The following ARPC2 variants were observed in gnomAD, a reference collection of about 807,000 sequenced individuals.
The protein encoded by ARPC2 is actin related protein 2/3 complex subunit 2.
In ARPC2, 4 loss-of-function variants were observed where a neutral mutation model predicts 38.6. That is an observed-to-expected ratio of 0.10 (90% confidence interval 0.05 to 0.24). The LOEUF is 0.24. Among genes scored for constraint, ARPC2 ranks in the 10% least tolerant of loss-of-function variants. The pLI is 1.00. For synonymous variants in ARPC2, 125 were observed against 140.8 expected (o/e 0.89, Z 0.79); for missense variants, 229 against 387.3 (o/e 0.59, Z 3.43).
chr2:218,221,842 A>G (rs574223217), intron 2 of ARPC2, among the ~76,000 whole-genome samples: 2 of 152,322 alleles, frequency 1.3e-5, no homozygotes, highest in East Asian at 3.9e-4. Flanking sequence ...GCTTTGCTCA[A>G]AAAGAATGAT....
intron 4 of ARPC2, among the ~76,000 whole-genome samples, chr2:218,232,633 G>A (rs761810609): frequency 1.4e-4 from 20 of 147,910 alleles, no homozygotes; most frequent in Middle Eastern, 3.4e-3. Context: ...GCAGTGGCGC[G>A]ATCTCACCTC....
At chr2:218,232,134 G>A (rs1689647908) in intron 4 of ARPC2, among the ~76,000 whole-genome samples, 2 of 152,116 alleles carry the variant, frequency 1.3e-5, no homozygotes, top group South Asian at 2.1e-4. Context: ...CCAGCTACTA[G>A]GGAGGCTGAG....
At position 218,231,346 on chromosome 2, in the gene ARPC2, T is replaced by C. The variant is rs373704481; in HGVS notation, c.222+2496T>C. ...GGGAGCAAAGCAGTTGAACATGATA[T>C]AAATTTGGCTCTCAGTACCTCTTAG... On this transcript the variant is annotated intron_variant, in intron 4 of 10. Coordinates refer to ENST00000315717, the MANE Select transcript of ARPC2 (RefSeq NM_152862.3). Among the ~76,000 whole-genome samples, 8 of 152,208 alleles carry C rather than the reference T, an allele frequency of 5.3e-5. No individual in the cohort carries two copies. The East Asian group carries it at 7.7e-4, about 15-fold the overall frequency.
At chr2:218,218,558 T>C (rs1689313302) in intron 2 of ARPC2, among the ~76,000 whole-genome samples, 1 of 152,266 alleles carries the variant, frequency 6.6e-6, no homozygotes, top group Admixed American at 6.5e-5. Flanking sequence ...TCCCTTTGCC[T>C]CATTTCCCTA....
At chr2:218,217,702 C>T (rs960130055) in intron 2 of ARPC2, among the ~76,000 whole-genome samples, 158 bp downstream of exon 2, 1 of 152,126 alleles carries the variant, frequency 6.6e-6, no homozygotes, top group East Asian at 1.9e-4. Flanking sequence ...GGCGATTGGG[C>T]GCGGCCGGGC....
intron 8 of ARPC2, 102 bp from the exon 9 acceptor site, chr2:218,249,262 A>T: frequency 1.3e-6 from 1 of 763,788 alleles, no homozygotes; most frequent in Non-Finnish European, 2.2e-6. Context: ...AGTGGAGTGT[A>T]CTTAAGCAGA....
intron 3 of ARPC2, among the ~76,000 whole-genome samples, chr2:218,228,143 G>T (rs188190829): frequency 2.4e-4 from 37 of 152,072 alleles, no homozygotes; most frequent in African/African-American, 8.7e-4. Flanking sequence ...GGTGGTTCAC[G>T]CCTGTAATCC....
chr2:218,234,669 A>G (rs1435127031), intron 5 of ARPC2: 3 of 508,368 alleles, frequency 5.9e-6, no homozygotes, highest in African/African-American at 5.8e-5. Context: ...TTTCAGCCAG[A>G]GGGCCACATT....
intron 8 of ARPC2, among the ~76,000 whole-genome samples, chr2:218,248,200 T>TA (rs1294985931): frequency 1.3e-5 from 2 of 152,244 alleles, no homozygotes; most frequent in Admixed American, 6.5e-5. Flanking sequence ...ATGGCAGACT[T>TA]ACAGTCATAA....
intron 3 of ARPC2, 98 bp downstream of exon 3, chr2:218,226,052 T>A: frequency 7.8e-7 from 1 of 1,277,984 alleles, no homozygotes; most frequent in South Asian, 1.2e-5. Flanking sequence ...CCCAGCACTT[T>A]GGGAGTCCGA....
intron 7 of ARPC2, 107 bp downstream of exon 7, chr2:218,239,591 G>T (rs2106154322): frequency 3.3e-5 from 26 of 792,758 alleles, no homozygotes; most frequent in Non-Finnish European, 4.5e-5. Flanking sequence ...ACTGATGTTA[G>T]AATTTTTTTT....
At chr2:218,249,328 G>A (rs372663389) in intron 8 of ARPC2, 36 bp from the exon 9 acceptor site, 106 of 1,486,240 alleles carry the variant, frequency 7.1e-5, no homozygotes, top group Admixed American at 1.9e-4. Context: ...CATTTGTGTC[G>A]TGTCCTGACG....
chr2:218,220,795 CAG>C (rs1689365716), intron 2 of ARPC2, among the ~76,000 whole-genome samples: 1 of 152,064 alleles, frequency 6.6e-6, no homozygotes, highest in East Asian at 1.9e-4. Flanking sequence ...TCATTCCAAA[CAG>C]ATTGCTTTTT....
At position 218,245,501 on chromosome 2, in the gene ARPC2, G is replaced by C. The variant is rs1690010494; in HGVS notation, c.631G>C (p.Asp211His). The change falls in exon 8 of 11, where the codon GAC becomes CAC. Residue 211 changes from aspartate to histidine, a missense_variant. Around this residue, in one of 3 missense-constraint regions of ARPC2, gnomAD observed 92 missense variants for 152.3 expected, o/e 0.60. Coordinates refer to ENST00000315717, the MANE Select transcript of ARPC2 (RefSeq NM_152862.3). The stretch of plus-strand genomic sequence containing the variant: ...CAGGGAACCTCCTCTGGAGCTGAAA[G>C]ACACAGACGCCGCTGTGGGTGACAA... ...SHREPPLELK[D>H]TDAAVGDNIG... The C allele has an allele frequency of 3.7e-6, 6 of 1,614,208 alleles. No homozygotes were observed. In the East Asian group the frequency reaches 1.3e-4, roughly 36 times the overall value.
intron 4 of ARPC2, chr2:218,232,975 C>T (rs1169456588): frequency 1.3e-5 from 2 of 152,132 alleles, no homozygotes; most frequent in Non-Finnish European, 2.9e-5. Context: ...ATGGCCTAAT[C>T]ACCTATTACC....
chr2:218,253,403 A>T (rs1365187459), intron 10 of ARPC2, among the ~76,000 whole-genome samples: 1 of 152,232 alleles, frequency 6.6e-6, no homozygotes, highest in Admixed American at 6.5e-5. Context: ...ACGTGATAGC[A>T]GAAATACCTT....
chr2:218,218,311 T>C (rs1247600568), intron 2 of ARPC2, among the ~76,000 whole-genome samples: 1 of 152,246 alleles, frequency 6.6e-6, no homozygotes, highest in Admixed American at 6.5e-5. Context: ...GTGGTAGCCC[T>C]GGCCCAGTTA....
intron 8 of ARPC2, among the ~76,000 whole-genome samples, chr2:218,248,466 C>T (rs1690099624): frequency 6.6e-6 from 1 of 152,094 alleles, no homozygotes; most frequent in Admixed American, 6.5e-5. Context: ...GATGAGCACA[C>T]AGGTCTTTTT....
intron 2 of ARPC2, among the ~76,000 whole-genome samples, chr2:218,222,670 C>G (rs1689410481): frequency 6.6e-6 from 1 of 152,152 alleles, no homozygotes; most frequent in African/African-American, 2.4e-5. Flanking sequence ...ACCACAGCTT[C>G]AGAGTCCGAT....
Sources: gnomAD v4.1 joint callset for allele counts (sites outside exome capture counted in the v4.1 genomes callset) on GRCh38, gnomAD v4.1.1 for gene constraint, gnomAD v4.1.1 regional missense constraint, MANE v1.5 for transcripts, NCBI Gene and HGNC (gene_info 2026-07-23, HGNC 2026-07-21) for gene names.